The following NPAS3 variants were observed in gnomAD, a reference collection of about 807,000 sequenced individuals.
NPAS3 encodes the protein neuronal PAS domain-containing protein 3.
NPAS3 carries 14 observed loss-of-function variants against 73.1 expected under a neutral mutation model. That is an observed-to-expected ratio of 0.19 (90% CI 0.13 to 0.30). NPAS3 has a LOEUF of 0.30. Ranked by LOEUF, NPAS3 falls within the 10% of genes least tolerant of loss-of-function variation. The probability of loss-of-function intolerance (pLI) is 1.00; values close to 1 mark genes in which losing one functional copy is unlikely to be tolerated. For synonymous variants in NPAS3, 620 were observed against 541.5 expected (o/e 1.14, Z -2.01); for missense variants, 1,096 against 1,250.0 (o/e 0.88, Z 1.86).
intron 10 of NPAS3, 108 bp from the exon 11 acceptor site, chr14:33,797,349 A>G (rs1713697280): frequency 6.4e-6 from 8 of 1,243,040 alleles, no homozygotes; most frequent in Non-Finnish European, 6.8e-6. Context: ...AGTCTTTGAA[A>G]CTTTCTAAAC....
intron 3 of NPAS3, among the ~76,000 whole-genome samples, chr14:33,221,846 G>A (rs1330508377): frequency 6.6e-6 from 1 of 151,998 alleles, no homozygotes; most frequent in East Asian, 1.9e-4. Flanking sequence ...CTTTGTAGGG[G>A]TAAAAGTGTA....
chr14:32,964,198 T>G (rs1375674833), intron 1 of NPAS3, among the ~76,000 whole-genome samples: 2 of 148,852 alleles, frequency 1.3e-5, no homozygotes, highest in Non-Finnish European at 3.0e-5. Context: ...GAACATTAAT[T>G]AATTTAGTAT....
At chr14:33,413,456 A>G (rs2048018474) in intron 4 of NPAS3, among the ~76,000 whole-genome samples, 1 of 152,096 alleles carries the variant, frequency 6.6e-6, no homozygotes, top group Non-Finnish European at 1.5e-5. Context: ...CCTCAGATCT[A>G]TCTTTTGGAG....
At chr14:33,126,443 C>T (rs542449333) in intron 2 of NPAS3, among the ~76,000 whole-genome samples, 1 of 151,840 alleles carries the variant, frequency 6.6e-6, no homozygotes, top group Admixed American at 6.6e-5. Context: ...AATGTAGATC[C>T]CCAGATATTA....
intron 5 of NPAS3, among the ~76,000 whole-genome samples, chr14:33,580,525 G>A (rs900934747): frequency 2.5e-4 from 38 of 152,054 alleles, no homozygotes; most frequent in African/African-American, 3.1e-4. Context: ...TTTGCAACCC[G>A]TGTACCCAGC....
chr14:33,407,687 C>G (rs1248765843), intron 4 of NPAS3, among the ~76,000 whole-genome samples: 3 of 152,094 alleles, frequency 2.0e-5, no homozygotes, highest in Admixed American at 6.6e-5. Context: ...TTTCTCCGCT[C>G]TCCGTTTTCC....
upstream of NPAS3, chr14:32,939,246 C>A: frequency 1.6e-6 from 1 of 621,130 alleles, no homozygotes. Context: ...CACACCCCCG[C>A]CCGCCCACGC....
At chr14:33,078,505 T>C (rs1446889743) in intron 2 of NPAS3, among the ~76,000 whole-genome samples, 2 of 145,376 alleles carry the variant, frequency 1.4e-5, no homozygotes, top group Non-Finnish European at 3.0e-5. Flanking sequence ...TGGTAATGTA[T>C]ACATTAATGT....
chr14:33,489,278 T>C (rs1212325027), intron 4 of NPAS3, among the ~76,000 whole-genome samples: 2 of 152,188 alleles, frequency 1.3e-5, no homozygotes, highest in Non-Finnish European at 2.9e-5. Flanking sequence ...AGGGATTTTG[T>C]TTCCATGACA....
chr14:33,617,113 C>T (rs2057943310), intron 5 of NPAS3, among the ~76,000 whole-genome samples: 1 of 152,156 alleles, frequency 6.6e-6, no homozygotes, highest in Non-Finnish European at 1.5e-5. Flanking sequence ...GTCCAGGCAC[C>T]TTAGAAGTTT....
intron 5 of NPAS3, among the ~76,000 whole-genome samples, chr14:33,609,918 A>G (rs1309336624): frequency 6.6e-6 from 1 of 152,116 alleles, no homozygotes; most frequent in Admixed American, 6.5e-5. Context: ...GGGGTTTTAA[A>G]TTGTTCATTT....
chr14:33,344,290 A>T (rs1489814138), intron 3 of NPAS3, among the ~76,000 whole-genome samples: 6 of 152,200 alleles, frequency 3.9e-5, no homozygotes, highest in Admixed American at 6.5e-5. Context: ...ATGTGTAAAG[A>T]TTATCTGTAT....
intron 5 of NPAS3, among the ~76,000 whole-genome samples, chr14:33,667,563 T>TTAAC (rs1257617523): frequency 6.6e-6 from 1 of 152,224 alleles, no homozygotes; most frequent in African/African-American, 2.4e-5. Context: ...AGTTGTGAAT[T>TTAAC]TAACTTATTC....
chr14:32,942,386 G>T (rs1202069981), intron 1 of NPAS3, among the ~76,000 whole-genome samples: 1 of 152,124 alleles, frequency 6.6e-6, no homozygotes, highest in Non-Finnish European at 1.5e-5. Flanking sequence ...AGAAAAATAA[G>T]CTCGTTCTTG....
At chr14:33,084,438 A>G (rs1216598363) in intron 2 of NPAS3, among the ~76,000 whole-genome samples, 2 of 152,210 alleles carry the variant, frequency 1.3e-5, no homozygotes, top group East Asian at 3.9e-4. Context: ...CTAACAGGTA[A>G]TCAAACGTAG....
intron 2 of NPAS3, among the ~76,000 whole-genome samples, chr14:33,092,041 T>A (rs1039505476): frequency 3.9e-5 from 6 of 152,176 alleles, no homozygotes; most frequent in Non-Finnish European, 8.8e-5. Flanking sequence ...ACTGGAAGCA[T>A]TCCCTTTGAA....
intron 3 of NPAS3, among the ~76,000 whole-genome samples, chr14:33,268,490 C>G (rs891113519): frequency 2.0e-5 from 3 of 152,074 alleles, no homozygotes; most frequent in African/African-American, 7.2e-5. Context: ...TTGGCCTTGT[C>G]TTTGATGTTT....
chr14:33,168,180 G>C (rs2045239929), intron 2 of NPAS3, among the ~76,000 whole-genome samples: 1 of 152,158 alleles, frequency 6.6e-6, no homozygotes. Context: ...TGCTCACCTG[G>C]AGCACATTTG....
At chr14:33,719,382 A>G (rs931938957) in intron 6 of NPAS3, among the ~76,000 whole-genome samples, 1 of 152,190 alleles carries the variant, frequency 6.6e-6, no homozygotes, top group Admixed American at 6.5e-5. Flanking sequence ...GATATTAGCA[A>G]TACCAACTAC....
Sources: allele counts gnomAD v4.1 joint callset (sites outside exome capture counted in the v4.1 genomes callset), GRCh38; gene constraint gnomAD v4.1.1; transcripts MANE v1.5; gene names NCBI Gene and HGNC (gene_info 2026-07-23, HGNC 2026-07-21).